Variants in ANXA8 observed in about 807,000 individuals in gnomAD.
ANXA8 encodes the protein annexin A8, also known as VAC-beta.
Under a neutral mutation model 26.8 loss-of-function variants are expected in ANXA8, and 9 were observed. The ratio of observed to expected loss-of-function variants is 0.34; its 90% CI spans 0.20 to 0.59. The LOEUF (loss-of-function observed/expected upper bound fraction) is 0.59. ANXA8 is among the 20% of genes least tolerant of loss of function. ANXA8 has a pLI of 0.84. For missense variants in ANXA8, 83 were observed against 238.5 expected (o/e 0.35, Z 4.29); for synonymous variants, 39 against 94.8 (o/e 0.41, Z 3.42).
chr10:47,548,149 T>A, the ANXA8 span, among the ~76,000 whole-genome samples: 1 of 143,648 alleles, frequency 7.0e-6, no homozygotes, highest in Non-Finnish European at 1.5e-5. Flanking sequence ...ATGGCACAAC[T>A]TTAAAATCTG....
chr10:47,772,182 A>G, the ANXA8 span, among the ~76,000 whole-genome samples: 1 of 151,656 alleles, frequency 6.6e-6, no homozygotes, highest in Non-Finnish European at 1.5e-5. Flanking sequence ...AAATGGTGTT[A>G]CTTAGCAAGA....
At chr10:47,680,646 A>T in the ANXA8 span, among the ~76,000 whole-genome samples, 3 of 152,116 alleles carry the variant, frequency 2.0e-5, no homozygotes, top group Admixed American at 2.0e-4. Context: ...AAAAAAAAAA[A>T]ATCAAATTGT....
chr10:47,498,226 G>A, the ANXA8 span, among the ~76,000 whole-genome samples: 7 of 150,122 alleles, frequency 4.7e-5, no homozygotes, highest in Admixed American at 3.3e-4. Flanking sequence ...CAGTCTGGAC[G>A]CTTCACATAA....
the ANXA8 span, among the ~76,000 whole-genome samples, chr10:47,613,274 A>C: frequency 6.7e-6 from 1 of 148,596 alleles, no homozygotes; most frequent in East Asian, 2.0e-4. Context: ...TTAGAAAATG[A>C]GGTATTTTAG....
the ANXA8 span, among the ~76,000 whole-genome samples, chr10:47,951,811 C>CAAAAAAAAAA: frequency 8.5e-5 from 8 of 94,566 alleles, no homozygotes; most frequent in South Asian, 3.8e-4. Context: ...ACTCTGTCTC[C>CAAAAAAAAAA]AAAAAAAAAA....
At chr10:47,585,444 G>A in the ANXA8 span, among the ~76,000 whole-genome samples, 1 of 130,788 alleles carries the variant, frequency 7.6e-6, no homozygotes, top group African/African-American at 3.0e-5. Flanking sequence ...CAGCAGGTGG[G>A]ACAGTTCTCA....
chr10:47,502,621 G>A, the ANXA8 span: 30 of 1,604,592 alleles, frequency 1.9e-5, 1 homozygote, highest in East Asian at 6.6e-4. Flanking sequence ...GTGGATACCT[G>A]AGCATTCAAT....
At chr10:47,496,844 G>A in the ANXA8 span, among the ~76,000 whole-genome samples, 1 of 146,764 alleles carries the variant, frequency 6.8e-6, no homozygotes, top group Non-Finnish European at 1.5e-5. Flanking sequence ...CCTTCCCAGT[G>A]CATTCCATCA....
At chr10:47,755,260 CT>C in the ANXA8 span, among the ~76,000 whole-genome samples, 1,068 of 140,008 alleles carry the variant, frequency 7.6e-3, 3 homozygotes, top group African/African-American at 0.024. Context: ...CAGCCAACCT[CT>C]TTTTTTTTTT....
chr10:47,982,313 C>A, the ANXA8 span, among the ~76,000 whole-genome samples: 1 of 150,766 alleles, frequency 6.6e-6, no homozygotes, highest in South Asian at 2.1e-4. Flanking sequence ...AACAAAACAA[C>A]CCCCCCAAAC....
the ANXA8 span, among the ~76,000 whole-genome samples, chr10:47,947,799 G>A: frequency 4.7e-5 from 7 of 150,250 alleles, no homozygotes; most frequent in Non-Finnish European, 2.9e-5. Flanking sequence ...ATTCTTTATA[G>A]CAGTGTGAGA....
At chr10:47,707,140 A>G in the ANXA8 span, among the ~76,000 whole-genome samples, 1 of 141,822 alleles carries the variant, frequency 7.1e-6, no homozygotes, top group Admixed American at 7.2e-5. Context: ...TTAAATGTAT[A>G]CTTGTAAATA....
chr10:47,490,207 G>GT, the ANXA8 span: 1 of 176,502 alleles, frequency 5.7e-6, no homozygotes, highest in African/African-American at 2.4e-5. Flanking sequence ...CTACTTCAGA[G>GT]TTTTTTAAAG....
chr10:47,670,498 C>A, the ANXA8 span, among the ~76,000 whole-genome samples: 1 of 152,088 alleles, frequency 6.6e-6, no homozygotes, highest in Non-Finnish European at 1.5e-5. Context: ...ACAAGTGTCC[C>A]AATTTCTCCA....
chr10:47,536,591 C>T, the ANXA8 span, among the ~76,000 whole-genome samples: 150 of 130,596 alleles, frequency 1.1e-3, 32 homozygotes, highest in African/African-American at 4.6e-3. Context: ...ACACTACCCC[C>T]ACCACCACAC....
Position 47,480,857 on chromosome 10 carries a change from C to T in ANXA8, c.22-969G>A, listed in dbSNP as rs1464689474. On this transcript the variant is annotated intron_variant, in intron 1 of 11. Coordinates refer to ENST00000585281, the MANE Select transcript of ANXA8 (RefSeq NM_001040084.3). ...CCACCCACCCATCCATCTATGCACC[C>T]GCCCATCCATCCATCCATCCATCCA... 2.1e-4 allele frequency among the ~76,000 whole-genome samples: 11 copies of T among 51,754 alleles called. 1 individual carries two copies. The highest frequency in any genetic ancestry group is 2.7e-4 in the Admixed American group (1 of 3,686). The allele number at this position is 51,754 out of a possible 152,430, so 34.0% of individuals were successfully genotyped here. A position where few individuals can be genotyped will look rare whatever the true frequency, so the allele number is the denominator to read the frequency against.
chr10:47,691,689 G>GT, the ANXA8 span, among the ~76,000 whole-genome samples: 1,012 of 150,278 alleles, frequency 6.7e-3, 18 homozygotes, highest in African/African-American at 0.024. Flanking sequence ...AGCCCAGGAG[G>GT]TTGAGGCTGC....
upstream of ANXA8, among the ~76,000 whole-genome samples, chr10:47,486,584 T>C (rs1840052943): frequency 7.4e-6 from 1 of 135,006 alleles, no homozygotes. Flanking sequence ...ACGGGGGACA[T>C]GCAAAGTGTT....
the ANXA8 span, among the ~76,000 whole-genome samples, chr10:47,985,126 T>TAA: frequency 1.3e-4 from 19 of 144,216 alleles, no homozygotes; most frequent in South Asian, 2.2e-4. Context: ...AACTCAACAG[T>TAA]AAAAAAAAAA....
Sources: gnomAD v4.1 joint callset for allele counts (sites outside exome capture counted in the v4.1 genomes callset) on GRCh38, gnomAD v4.1.1 for gene constraint, MANE v1.5 for transcripts, NCBI Gene and HGNC (gene_info 2026-07-23, HGNC 2026-07-21) for gene names.